Variants in ZKSCAN2 observed in about 807,000 individuals in gnomAD.
ZKSCAN2 encodes the protein zinc finger protein with KRAB and SCAN domains 2.
A neutral mutation model predicts 90.5 loss-of-function variants in ZKSCAN2; 38 were observed. The observed-to-expected ratio is 0.42, with a 90% confidence interval of 0.32 to 0.55. The LOEUF (loss-of-function observed/expected upper bound fraction) is 0.55. Among genes scored for constraint, ZKSCAN2 ranks in the 20% least tolerant of loss-of-function variants. The probability of loss-of-function intolerance (pLI) is 0.11; values close to 1 mark genes in which losing one functional copy is unlikely to be tolerated. For synonymous variants in ZKSCAN2, 429 were observed against 421.6 expected, an observed-to-expected ratio of 1.02 and a Z score of -0.22; for missense variants, 1,167 against 1,202.6, an observed-to-expected ratio of 0.97 and a Z score of 0.44.
rs560559853 is a variant in ZKSCAN2, at chr16:25,247,994, T to C, written c.806-604A>G. Reference sequence around the variant, plus strand: ...TGACAGAGTGCCAAGAACACATCACTGGGAAAAGATCATCTTTTCAACAAA... The same window carrying C: ...TGACAGAGTGCCAAGAACACATCACCGGGAAAAGATCATCTTTTCAACAAA... On this transcript the variant is annotated intron_variant, in intron 4 of 6. Transcript: ENST00000328086. 1.0e-3 allele frequency among the ~76,000 whole-genome samples: 154 copies of C among 152,216 alleles called. 1 individual carries two copies. The highest frequency in any genetic ancestry group is 1.6e-3 in the Non-Finnish European group (112 of 68,010).
intron 6 of ZKSCAN2, 31 bp from the exon 7 acceptor site, chr16:25,240,769 T>C (rs371015930): frequency 5.4e-5 from 86 of 1,588,538 alleles, no homozygotes; most frequent in African/African-American, 1.1e-4. Context: ...ACAAATTTTA[T>C]ACAAGTCTGA....
At position 25,239,569 on chromosome 16, in the gene ZKSCAN2, G is replaced by C; in HGVS notation, c.*247C>G. ...TGCAGTGGCCTCAATGTACTGAAGG[G>C]TATTTCATTCTGAACTCGGACAATG... On this transcript the variant is annotated 3_prime_UTR_variant, in exon 7 of 7. Transcript: ENST00000328086. 2.4e-6 allele frequency: 1 copy of C among 416,086 alleles called. No homozygotes were observed. The highest frequency in any genetic ancestry group is 4.3e-6 in the Non-Finnish European group (1 of 233,048). 25.8% of individuals were successfully genotyped at this position (416,086 alleles called of 1,614,324 possible).
chr16:25,245,700 G>A (rs1229666209), intron 5 of ZKSCAN2, among the ~76,000 whole-genome samples: 2 of 151,676 alleles, frequency 1.3e-5, no homozygotes, highest in African/African-American at 2.4e-5. Context: ...CACCCAGGAG[G>A]AGGAGGTTGC....
At chr16:25,249,447 C>T (rs775933511) in intron 4 of ZKSCAN2, among the ~76,000 whole-genome samples, 1 of 152,062 alleles carries the variant, frequency 6.6e-6, no homozygotes, top group Non-Finnish European at 1.5e-5. Flanking sequence ...CCACACCTGG[C>T]TAATTTTTGT....
chr16:25,244,566 A>G (rs1311832112), intron 5 of ZKSCAN2, among the ~76,000 whole-genome samples: 1 of 152,250 alleles, frequency 6.6e-6, no homozygotes. Flanking sequence ...TCAGATTTTT[A>G]AAACTGAAAT....
intron 2 of ZKSCAN2, among the ~76,000 whole-genome samples, chr16:25,253,617 G>A (rs1049409734): frequency 5.2e-4 from 79 of 152,214 alleles, no homozygotes; most frequent in Non-Finnish European, 6.2e-4. Flanking sequence ...GTGCCATTCT[G>A]GGGGAAAGGA....
Position 25,247,053 on chromosome 16 carries a change from C to T in ZKSCAN2, c.1143G>A (p.Leu381=). Residue 381 remains leucine, a synonymous_variant, in exon 5 of 7, where the codon TTG becomes TTA. Coordinates refer to ENST00000328086, the MANE Select transcript of ZKSCAN2 (RefSeq NM_001012981.5). ...GGGTTCTAAGGAAGCCACATTCTCGCAACCATTCAGCCACAGCACCATACA... is the reference window on the plus strand; with the variant it reads ...GGGTTCTAAGGAAGCCACATTCTCGTAACCATTCAGCCACAGCACCATACA... The part of the protein sequence containing the change: ...SQVYGAVAEW[L]RECGFLRTPE... The T allele has an allele frequency of 6.2e-7, 1 of 1,614,202 alleles. No individual in the cohort carries two copies. Among genetic ancestry groups the T allele is most frequent in the Non-Finnish European group, 8.5e-7 (1 of 1,180,046 alleles).
chr16:25,253,943 G>C (rs1281626130), intron 2 of ZKSCAN2, among the ~76,000 whole-genome samples: 1 of 152,212 alleles, frequency 6.6e-6, no homozygotes, highest in Non-Finnish European at 1.5e-5. Flanking sequence ...GGGAGGCGGA[G>C]GTTGCTGTGA....
intron 3 of ZKSCAN2, 117 bp downstream of exon 3, chr16:25,252,829 C>T (rs191613206): frequency 1.6e-5 from 13 of 791,046 alleles, no homozygotes; most frequent in Admixed American, 1.1e-4. Context: ...GCAGGAGAAT[C>T]GCTTGAACCC....
Position 25,247,514 on chromosome 16 carries a change from T to C in ZKSCAN2, c.806-124A>G, listed in dbSNP as rs763953355. On this transcript the variant is annotated intron_variant, in intron 4 of 6. Transcript: ENST00000328086. ...CCCAAACCTTCCTCAGCTGTGACAC[T>C]GCACATTTATTTTTACATGACTTCC... is the stretch of plus-strand genomic sequence containing the variant. 32 of 710,072 alleles carry C rather than the reference T, an allele frequency of 4.5e-5. 1 individual carries two copies. The highest frequency in any genetic ancestry group is 1.7e-4 in the Admixed American group (6 of 34,546). The allele number at this position is 710,072 out of a possible 1,614,324, so 44.0% of individuals were successfully genotyped here.
chr16:25,246,621 C>T, intron 5 of ZKSCAN2, 86 bp downstream of exon 5: 1 of 1,435,000 alleles, frequency 7.0e-7, no homozygotes, highest in South Asian at 1.3e-5. Flanking sequence ...ACAGCACCCC[C>T]CGGGTTTGGC....
rs148807631 is a variant in ZKSCAN2, at chr16:25,239,895, G to A, written c.2825C>T (p.Pro942Leu). The change falls in exon 7 of 7, where the codon CCT (proline) becomes CTT (leucine). Residue 942 changes from proline to leucine, a missense_variant. Coordinates refer to ENST00000328086, the MANE Select transcript of ZKSCAN2 (RefSeq NM_001012981.5). Reference sequence around the variant, plus strand: ...ATACAGAGATGGAGGGTGTGGCAGAGGCTTTTCTCTCACATGAACTTCCCG... The same window carrying A: ...ATACAGAGATGGAGGGTGTGGCAGAAGCTTTTCTCTCACATGAACTTCCCG... ...KHREVHVREK[P>L]LPHPPSLYCP... 389 of 1,614,120 alleles carry A rather than the reference G, an allele frequency of 2.4e-4. 2 individuals are homozygous for A. The African/African-American group carries it at 4.8e-3, about 20-fold the overall frequency.
Position 25,240,610 on chromosome 16 carries a change from GAT to G in ZKSCAN2, c.2108_2109del (p.Tyr703SerfsTer18), listed in dbSNP as rs1567350197. On this transcript the variant is annotated frameshift_variant, in exon 7 of 7. Transcript: ENST00000328086. LOFTEE classifies it high-confidence loss of function. ...VVSQSTDPSK[Y>X]RKRECISGRQ... ...CTTCCTGAGATGCATTCCCTTTTGCGATATTTGCTGGGGTCGGTACTCTGGGA... is the reference window on the plus strand; with the variant it reads ...CTTCCTGAGATGCATTCCCTTTTGCGATTTGCTGGGGTCGGTACTCTGGGA... The G allele has an allele frequency of 3.1e-6, 5 of 1,614,086 alleles. No homozygotes were observed. The highest frequency in any genetic ancestry group is 4.2e-6 in the Non-Finnish European group (5 of 1,180,014).
intron 4 of ZKSCAN2, among the ~76,000 whole-genome samples, chr16:25,250,103 G>A (rs1273744295): frequency 6.6e-6 from 1 of 152,212 alleles, no homozygotes; most frequent in Non-Finnish European, 1.5e-5. Flanking sequence ...AAGGTCAGGA[G>A]TTCGAGACCA....
At chr16:25,246,666 A>T in intron 5 of ZKSCAN2, 41 bp downstream of exon 5, 1 of 1,608,552 alleles carries the variant, frequency 6.2e-7, no homozygotes, top group Non-Finnish European at 8.5e-7. Flanking sequence ...ACAAGATCAC[A>T]CATCTGTTTT....
chr16:25,248,324 A>T (rs2141365839), intron 4 of ZKSCAN2, among the ~76,000 whole-genome samples: 1 of 148,898 alleles, frequency 6.7e-6, no homozygotes, highest in African/African-American at 2.5e-5. Context: ...CCAAAACAAC[A>T]ACAAAAACAG....
rs552658002 is a variant in ZKSCAN2 at position 25,254,085 on chromosome 16, T to C, written c.587-1048A>G. ...GTTAAGTATCCTGACCAAGGCCACA[T>C]AGATAAAAAAATGGCAGAGCTAGGT... On this transcript the variant is annotated intron_variant, in intron 2 of 6. Coordinates refer to ENST00000328086, the MANE Select transcript of ZKSCAN2 (RefSeq NM_001012981.5). 2.6e-5 allele frequency among the ~76,000 whole-genome samples: 4 copies of C among 152,316 alleles called. No individual in the cohort carries two copies. The South Asian group carries it at 6.2e-4, about 24-fold the overall frequency.
Position 25,239,720 on chromosome 16 carries a change from C to A in ZKSCAN2, c.*96G>T, listed in dbSNP as rs1264212398. The A allele has an allele frequency of 3.6e-6, 4 of 1,116,312 alleles. No homozygotes were observed. The highest frequency in any genetic ancestry group is 2.4e-5 in the East Asian group (1 of 41,710). The allele number at this position is 1,116,312 out of a possible 1,614,324, so 69.2% of individuals were successfully genotyped here. ...AGTTTATTTATATTCTCAAGTTTAT[C>A]TTGGAAATTACACTTCATAGCTAAG... On this transcript the variant is annotated 3_prime_UTR_variant, in exon 7 of 7. Coordinates refer to ENST00000328086, the MANE Select transcript of ZKSCAN2 (RefSeq NM_001012981.5).
chr16:25,243,364 A>G (rs772045746), intron 6 of ZKSCAN2, among the ~76,000 whole-genome samples: 2 of 152,140 alleles, frequency 1.3e-5, no homozygotes, highest in African/African-American at 2.4e-5. Flanking sequence ...GTCTCACTCT[A>G]TCACCCAGGC....
Sources: gnomAD v4.1 joint callset for allele counts (sites outside exome capture counted in the v4.1 genomes callset) on GRCh38, gnomAD v4.1.1 for gene constraint, MANE v1.5 for transcripts, NCBI Gene and HGNC (gene_info 2026-07-23, HGNC 2026-07-21) for gene names.